The following DOCK1 variants were observed in gnomAD, a reference collection of about 807,000 sequenced individuals.
DOCK1 encodes dedicator of cytokinesis protein 1.
In DOCK1, 138 loss-of-function variants were observed where a neutral mutation model predicts 262.7. The ratio of observed to expected loss-of-function variants is 0.53; its 90% CI spans 0.46 to 0.61. DOCK1 has a LOEUF of 0.61. Ranked by LOEUF, DOCK1 falls within the 20% of genes least tolerant of loss-of-function variation. The pLI, the probability that DOCK1 is intolerant of heterozygous loss-of-function variation, is 0.00. For synonymous variants in DOCK1, 866 were observed against 867.4 expected (o/e 1.00, Z 0.03); for missense variants, 1,908 against 2,370.7 (o/e 0.80, Z 4.05).
chr10:127,278,450 T>C (rs1453090747), intron 29 of DOCK1, among the ~76,000 whole-genome samples: 4 of 152,176 alleles, frequency 2.6e-5, no homozygotes, highest in African/African-American at 9.6e-5. Flanking sequence ...TAGAATTCAC[T>C]GGACCAGAAG....
intron 29 of DOCK1, among the ~76,000 whole-genome samples, chr10:127,259,722 T>C (rs1163130371): frequency 2.6e-5 from 4 of 152,026 alleles, no homozygotes; most frequent in Non-Finnish European, 5.9e-5. Context: ...TGAAGTTGCA[T>C]TCATGTCGCT....
intron 27 of DOCK1, among the ~76,000 whole-genome samples, chr10:127,230,831 T>C (rs2058815332): frequency 6.6e-6 from 1 of 152,134 alleles, no homozygotes; most frequent in Non-Finnish European, 1.5e-5. Context: ...AATTGTTCTT[T>C]TAATTTTAGT....
intron 1 of DOCK1, among the ~76,000 whole-genome samples, chr10:126,914,804 T>G (rs1377720654): frequency 6.6e-6 from 1 of 152,184 alleles, no homozygotes; most frequent in Admixed American, 6.5e-5. Context: ...TACAAGTTTG[T>G]TTTTCATTTG....
intron 27 of DOCK1, chr10:127,146,036 G>A (rs769442535): frequency 3.9e-6 from 2 of 518,250 alleles, no homozygotes; most frequent in African/African-American, 1.9e-5. Context: ...AATTTCATAC[G>A]ACCCAGCCCT....
chr10:127,445,297 C>T (rs1005838361), intron 50 of DOCK1, among the ~76,000 whole-genome samples: 1 of 152,112 alleles, frequency 6.6e-6, no homozygotes, highest in East Asian at 1.9e-4. Context: ...GAGCTCTGTG[C>T]CCTGTGGCGA....
chr10:127,050,908 G>T (rs1269293717), intron 21 of DOCK1, among the ~76,000 whole-genome samples: 1 of 151,772 alleles, frequency 6.6e-6, no homozygotes, highest in East Asian at 1.9e-4. Flanking sequence ...GAACTTTCTT[G>T]TTATTTGAAT....
intron 27 of DOCK1, among the ~76,000 whole-genome samples, chr10:127,148,217 C>T (rs2133410507): frequency 6.6e-6 from 1 of 152,220 alleles, no homozygotes; most frequent in African/African-American, 2.4e-5. Context: ...CTCATTGATC[C>T]ACTGCAGAAT....
chr10:127,149,074 T>G (rs1440241725), intron 27 of DOCK1, among the ~76,000 whole-genome samples: 1 of 152,116 alleles, frequency 6.6e-6, no homozygotes, highest in Non-Finnish European at 1.5e-5. Flanking sequence ...GGAGAGGTGT[T>G]TTTCAGCTGA....
intron 32 of DOCK1, among the ~76,000 whole-genome samples, chr10:127,355,568 T>C (rs2064105257): frequency 6.6e-6 from 1 of 152,134 alleles, no homozygotes; most frequent in Non-Finnish European, 1.5e-5. Context: ...GGCCTCTGCT[T>C]CCTTCCTTCA....
At chr10:127,166,223 G>A (rs776457279) in intron 27 of DOCK1, among the ~76,000 whole-genome samples, 6 of 152,026 alleles carry the variant, frequency 3.9e-5, no homozygotes, top group Non-Finnish European at 5.9e-5. Flanking sequence ...CTGCCACCAC[G>A]CCCAGCTAAT....
intron 29 of DOCK1, among the ~76,000 whole-genome samples, chr10:127,316,930 A>T (rs1302109798): frequency 6.6e-6 from 1 of 152,164 alleles, no homozygotes; most frequent in Non-Finnish European, 1.5e-5. Context: ...ATCAGCATGG[A>T]ACATAAACGT....
chr10:127,210,882 ATG>A (rs753338614), intron 27 of DOCK1, among the ~76,000 whole-genome samples: 1 of 152,240 alleles, frequency 6.6e-6, no homozygotes, highest in Non-Finnish European at 1.5e-5. Flanking sequence ...TGATTTCTGA[ATG>A]TGACACGTGG....
intron 49 of DOCK1, 71 bp from the exon 50 acceptor site, chr10:127,444,055 G>C (rs1192428989): frequency 2.6e-6 from 4 of 1,535,906 alleles, no homozygotes; most frequent in South Asian, 2.4e-5. Flanking sequence ...CTTCAACATA[G>C]GAATTTAGGT....
At chr10:127,221,972 C>T (rs2058452609) in intron 27 of DOCK1, among the ~76,000 whole-genome samples, 1 of 152,206 alleles carries the variant, frequency 6.6e-6, no homozygotes, top group Non-Finnish European at 1.5e-5. Flanking sequence ...ATTAGCCTCA[C>T]TCAAAGGAGA....
intron 29 of DOCK1, among the ~76,000 whole-genome samples, chr10:127,313,547 A>G (rs770753861): frequency 2.6e-5 from 4 of 152,118 alleles, no homozygotes; most frequent in Admixed American, 6.5e-5. Context: ...ATTCTCTGAT[A>G]TTGTTGTGGG....
chr10:127,311,147 G>T (rs1462075492), intron 29 of DOCK1, among the ~76,000 whole-genome samples: 1 of 152,150 alleles, frequency 6.6e-6, no homozygotes, highest in Non-Finnish European at 1.5e-5. Flanking sequence ...AATCCAGAAG[G>T]TCTGGGAAGG....
intron 27 of DOCK1, chr10:127,153,774 A>C: frequency 8.9e-7 from 1 of 1,126,082 alleles, no homozygotes; most frequent in Non-Finnish European, 1.3e-6. Flanking sequence ...GCATGGCCCC[A>C]GATCGTTCTT....
At chr10:127,354,201 T>C (rs1044223063) in intron 31 of DOCK1, among the ~76,000 whole-genome samples, 18 of 152,320 alleles carry the variant, frequency 1.2e-4, no homozygotes, top group Admixed American at 4.6e-4. Flanking sequence ...TGTTAAGCCC[T>C]TCCTTACATT....
At chr10:127,194,852 G>A (rs1007155799) in intron 27 of DOCK1, among the ~76,000 whole-genome samples, 6 of 152,270 alleles carry the variant, frequency 3.9e-5, no homozygotes, top group East Asian at 1.9e-4. Flanking sequence ...GTTTCACCTC[G>A]GGATGCTTCC....
Sources: gnomAD v4.1 joint callset for allele counts (sites outside exome capture counted in the v4.1 genomes callset) on GRCh38, gnomAD v4.1.1 for gene constraint, MANE v1.5 for transcripts, NCBI Gene and HGNC (gene_info 2026-07-23, HGNC 2026-07-21) for gene names.